Variants in SLC25A18 observed in about 807,000 individuals in gnomAD.
SLC25A18 encodes mitochondrial glutamate carrier 2.
Under a neutral mutation model 31.1 loss-of-function variants are expected in SLC25A18, and 24 were observed. That is an observed-to-expected ratio of 0.77 (90% CI 0.56 to 1.08). The LOEUF is 1.08. Ranked by LOEUF, SLC25A18 falls within the 50% of genes least tolerant of loss-of-function variation. The pLI is 0.00. For missense variants in SLC25A18, 371 were observed against 418.5 expected (o/e 0.89, Z 0.99); for synonymous variants, 173 against 161.9 (o/e 1.07, Z -0.52).
intron 7 of SLC25A18, among the ~76,000 whole-genome samples, chr22:17,584,769 G>A (rs1319926232): frequency 1.0e-4 from 7 of 69,858 alleles, no homozygotes; most frequent in East Asian, 4.3e-4. Flanking sequence ...GGACAAAAGC[G>A]AGAATTCATC....
At chr22:17,584,209 C>T (rs1051151015) in intron 7 of SLC25A18, 7 of 283,394 alleles carry the variant, frequency 2.5e-5, no homozygotes, top group Admixed American at 6.6e-5. Context: ...CTGGCTAACA[C>T]GGTGAAACCC....
chr22:17,576,038 C>T (rs1018396705), intron 2 of SLC25A18, among the ~76,000 whole-genome samples: 1 of 152,098 alleles, frequency 6.6e-6, no homozygotes, highest in African/African-American at 2.4e-5. Flanking sequence ...ACCCCCTACA[C>T]CCTCTAAATT....
intron 9 of SLC25A18, 119 bp from the exon 10 acceptor site, chr22:17,589,471 C>A: frequency 2.4e-6 from 2 of 827,934 alleles, no homozygotes; most frequent in East Asian, 5.7e-5. Flanking sequence ...CCACTGCGCC[C>A]GGCCTATGAG....
intron 2 of SLC25A18, among the ~76,000 whole-genome samples, chr22:17,579,261 A>G (rs1015446517): frequency 6.6e-6 from 1 of 151,824 alleles, no homozygotes; most frequent in African/African-American, 2.4e-5. Context: ...TAATTTTTGC[A>G]TTTTTAGTAG....
Position 17,582,423 on chromosome 22 carries a change from G to A in SLC25A18, c.200-140G>A. The stretch of plus-strand genomic sequence containing the variant: ...GGAGTGGGAATGGAAAGTTATTTCA[G>A]TGAATTAGGCTCAGGAGCCCCACCT... On this transcript the variant is annotated intron_variant, in intron 5 of 10. Coordinates refer to ENST00000327451, the MANE Select transcript of SLC25A18 (RefSeq NM_031481.3). 3 of 557,556 alleles carry A rather than the reference G, an allele frequency of 5.4e-6. No homozygotes were observed. In the South Asian group the frequency reaches 7.5e-5, roughly 14 times the overall value. 34.5% of individuals were successfully genotyped at this position (557,556 alleles called of 1,614,324 possible).
At chr22:17,563,759 G>A in intron 1 of SLC25A18, 46 bp downstream of exon 1, 1 of 981,610 alleles carries the variant, frequency 1.0e-6, no homozygotes, top group Non-Finnish European at 1.2e-6. Flanking sequence ...ACTTTGCCTA[G>A]TTACTAAGAA....
intron 2 of SLC25A18, chr22:17,570,249 C>T (rs1238692503): frequency 6.6e-6 from 1 of 152,670 alleles, no homozygotes; most frequent in African/African-American, 2.4e-5. Flanking sequence ...GTGAGGGGCT[C>T]ATTCCTGGGA....
At position 17,577,978 on chromosome 22, in the gene SLC25A18, CT is replaced by C. The variant is rs695375; in HGVS notation, c.-200-1754del. ...AGGCATGAGCCACTGCGCCCTGCTTCTTTTTTTTTTTTTCTTCTTTGGGGGG... is the reference window on the plus strand; with the variant it reads ...AGGCATGAGCCACTGCGCCCTGCTTCTTTTTTTTTTTTCTTCTTTGGGGGG... On this transcript the variant is annotated intron_variant, in intron 2 of 10. Transcript: ENST00000327451. Among the ~76,000 whole-genome samples, 383 of 133,472 alleles carry C rather than the reference CT, an allele frequency of 2.9e-3. 1 individual carries two copies. The highest frequency in any genetic ancestry group is 8.3e-3 in the African/African-American group (255 of 30,890). 87.6% of individuals were successfully genotyped at this position (133,472 alleles called of 152,430 possible).
At chr22:17,577,900 C>T (rs2035237851) in intron 2 of SLC25A18, among the ~76,000 whole-genome samples, 1 of 151,688 alleles carries the variant, frequency 6.6e-6, no homozygotes, top group Admixed American at 6.6e-5. Flanking sequence ...TGGTCTCGAA[C>T]TCCTGACCTC....
intron 1 of SLC25A18, among the ~76,000 whole-genome samples, chr22:17,565,771 G>A (rs915868140): frequency 5.9e-5 from 9 of 152,122 alleles, no homozygotes; most frequent in Non-Finnish European, 1.3e-4. Context: ...GGAGGCTGAG[G>A]CAGGAGAATC....
chr22:17,571,493 C>T (rs1424284701), intron 2 of SLC25A18, among the ~76,000 whole-genome samples: 1 of 152,124 alleles, frequency 6.6e-6, no homozygotes, highest in Non-Finnish European at 1.5e-5. Flanking sequence ...ACTTCTCCAG[C>T]CGGGGCGCAG....
chr22:17,572,202 G>C (rs191521059), intron 2 of SLC25A18, among the ~76,000 whole-genome samples: 1 of 150,774 alleles, frequency 6.6e-6, no homozygotes. Context: ...AAGGAGAATC[G>C]GCTGGGCACA....
At position 17,581,018 on chromosome 22, in the gene SLC25A18, T is replaced by C. The variant is rs1234838815; in HGVS notation, c.21-19T>C. On this transcript the variant is annotated intron_variant, in intron 3 of 10. Transcript: ENST00000327451. ...CCTCCCTCTGCCTCTCTCCTCCCCCTGTCCTCCCCCTGTCCTAGCATCACA... is the reference window on the plus strand; with the variant it reads ...CCTCCCTCTGCCTCTCTCCTCCCCCCGTCCTCCCCCTGTCCTAGCATCACA... The C allele has an allele frequency of 6.5e-7, 1 of 1,534,946 alleles. No individual in the cohort carries two copies. Among genetic ancestry groups the C allele is most frequent in the Admixed American group, 2.0e-5 (1 of 49,240 alleles).
intron 7 of SLC25A18, among the ~76,000 whole-genome samples, chr22:17,583,800 C>T (rs1340374589): frequency 2.6e-5 from 4 of 151,964 alleles, no homozygotes; most frequent in South Asian, 2.1e-4. Context: ...AAAAATTAGC[C>T]GGGCGTGGTG....
At chr22:17,584,446 G>GGAAAGAGAGAGAGA (rs1205165235) in intron 7 of SLC25A18, among the ~76,000 whole-genome samples, 16 of 116,924 alleles carry the variant, frequency 1.4e-4, no homozygotes, top group African/African-American at 5.1e-4. Context: ...AAGGAAGGAA[G>GGAAAGAGAGAGAGA]GAGAGAGAGA....
chr22:17,564,452 A>G (rs1004758100), intron 1 of SLC25A18, among the ~76,000 whole-genome samples: 5 of 152,204 alleles, frequency 3.3e-5, no homozygotes, highest in African/African-American at 1.2e-4. Flanking sequence ...TGGCCCTGGC[A>G]TTTACATTTT....
intron 6 of SLC25A18, 50 bp from the exon 7 acceptor site, chr22:17,583,366 G>T: frequency 6.2e-7 from 1 of 1,609,470 alleles, no homozygotes; most frequent in Non-Finnish European, 8.5e-7. Flanking sequence ...AGCTGCACCA[G>T]GGCAGGCCTG....
intron 1 of SLC25A18, among the ~76,000 whole-genome samples, chr22:17,566,207 T>C (rs770929458): frequency 5.9e-5 from 9 of 152,326 alleles, no homozygotes; most frequent in Non-Finnish European, 7.3e-5. Flanking sequence ...TAAGCTCATG[T>C]CAGCTGCCAA....
At chr22:17,575,658 G>A (rs562733203) in intron 2 of SLC25A18, among the ~76,000 whole-genome samples, 2 of 152,290 alleles carry the variant, frequency 1.3e-5, no homozygotes, top group East Asian at 1.9e-4. Flanking sequence ...TTCCAGGGAC[G>A]TGGCAGTTCC....
Sources: allele counts gnomAD v4.1 joint callset (sites outside exome capture counted in the v4.1 genomes callset), GRCh38; gene constraint gnomAD v4.1.1; transcripts MANE v1.5; gene names NCBI Gene and HGNC (gene_info 2026-07-23, HGNC 2026-07-21).